DPP10: variants seen among roughly 807,000 people sequenced by gnomAD.
The protein encoded by DPP10 is inactive dipeptidyl peptidase 10.
In DPP10, 33 loss-of-function variants were observed where a neutral mutation model predicts 120.9. The ratio of observed to expected loss-of-function variants is 0.27; its 90% confidence interval spans 0.21 to 0.37. The LOEUF is 0.37. Among genes scored for constraint, DPP10 ranks in the 10% least tolerant of loss-of-function variants. The probability of loss-of-function intolerance (pLI) is 1.00; values close to 1 mark genes in which losing one functional copy is unlikely to be tolerated. For missense variants in DPP10, 816 were observed against 942.8 expected (o/e 0.87, Z 1.76); for synonymous variants, 337 against 326.1 (o/e 1.03, Z -0.36).
chr2:115,415,867 A>ATG (rs1259216861), intron 3 of DPP10, among the ~76,000 whole-genome samples: 4 of 137,634 alleles, frequency 2.9e-5, no homozygotes, highest in Non-Finnish European at 6.2e-5. Flanking sequence ...ATATATATAT[A>ATG]TATATATATG....
intron 1 of DPP10, among the ~76,000 whole-genome samples, chr2:115,044,993 C>T (rs1395349736): frequency 6.6e-6 from 1 of 152,114 alleles, no homozygotes; most frequent in Non-Finnish European, 1.5e-5. Context: ...GTGTACTGTA[C>T]CAGATTTTCT....
intron 1 of DPP10, chr2:115,144,194 G>C (rs2051086940): frequency 6.6e-6 from 1 of 152,088 alleles, no homozygotes; most frequent in African/African-American, 2.4e-5. Context: ...CTGAAACTTG[G>C]AACCGAAGCA....
intron 5 of DPP10, among the ~76,000 whole-genome samples, chr2:115,591,163 A>C (rs1488225510): frequency 6.6e-6 from 1 of 152,150 alleles, no homozygotes; most frequent in Non-Finnish European, 1.5e-5. Context: ...TAGTTTAATT[A>C]GATCCCATTT....
intron 3 of DPP10, among the ~76,000 whole-genome samples, chr2:115,386,614 A>G (rs1045184992): frequency 1.3e-5 from 2 of 152,192 alleles, no homozygotes; most frequent in African/African-American, 2.4e-5. Context: ...CTCTGCTGCT[A>G]TCTCAAGTTG....
chr2:115,696,682 G>A (rs556744746), intron 7 of DPP10, among the ~76,000 whole-genome samples: 1 of 152,194 alleles, frequency 6.6e-6, no homozygotes, highest in African/African-American at 2.4e-5. Flanking sequence ...AAAGATCCCG[G>A]TAAATGTAAA....
chr2:114,897,655 AAAAC>A lies in DPP10; in HGVS notation c.61-411577_61-411574del, dbSNP rs879833943. On this transcript the variant is annotated intron_variant, in intron 1 of 25. Transcript: ENST00000410059. The stretch of plus-strand genomic sequence containing the variant: ...TGAACTCAAACAAATTTACAAGAAA[AAAAC>A]AAACAACCCCATCAAAAAGTGGGCG... 3.9e-3 allele frequency among the ~76,000 whole-genome samples: 600 copies of A among 152,026 alleles called. 2 individuals carry two copies. Among genetic ancestry groups the A allele is most frequent in the Non-Finnish European group, 6.8e-3 (461 of 67,900 alleles).
intron 1 of DPP10, among the ~76,000 whole-genome samples, chr2:114,795,659 A>G (rs1468424538): frequency 2.0e-5 from 3 of 152,186 alleles, no homozygotes; most frequent in Non-Finnish European, 2.9e-5. Context: ...TTCAATAAAT[A>G]TATTTTTAAA....
chr2:115,673,571 G>A (rs2090064777), intron 5 of DPP10, among the ~76,000 whole-genome samples: 1 of 152,120 alleles, frequency 6.6e-6, no homozygotes, highest in Admixed American at 6.5e-5. Flanking sequence ...CTGTCCAGTC[G>A]TGTGTCAGCC....
rs1435287566 is a variant in DPP10, at chr2:115,338,202, A to G, written c.176-5615A>G. Among the ~76,000 whole-genome samples the G allele has an allele frequency of 7.2e-5, 11 of 152,146 alleles. No individual in the cohort carries two copies. The East Asian group carries it at 2.1e-3, about 29-fold the overall frequency. On this transcript the variant is annotated intron_variant, in intron 2 of 25. Transcript: ENST00000410059. Reference sequence around the variant, plus strand: ...TGTTAACCTAGATGTAAACATTTAAATAAAAGTTTAACATATTAATCTAAT... The same window carrying G: ...TGTTAACCTAGATGTAAACATTTAAGTAAAAGTTTAACATATTAATCTAAT...
At chr2:115,701,381 A>G (rs2091881859) in intron 7 of DPP10, among the ~76,000 whole-genome samples, 1 of 152,120 alleles carries the variant, frequency 6.6e-6, no homozygotes, top group Non-Finnish European at 1.5e-5. Context: ...AAAACTGGAT[A>G]TCCACATACA....
chr2:115,461,690 A>G (rs931393057), intron 3 of DPP10, among the ~76,000 whole-genome samples: 3 of 152,206 alleles, frequency 2.0e-5, no homozygotes, highest in South Asian at 4.1e-4. Context: ...GGATTAGAAA[A>G]TAAATAAAAA....
intron 4 of DPP10, among the ~76,000 whole-genome samples, chr2:115,520,636 T>G (rs542096841): frequency 7.2e-4 from 110 of 152,312 alleles, no homozygotes; most frequent in African/African-American, 2.5e-3. Context: ...TTCTCAATGT[T>G]AAGGCAACCA....
chr2:114,914,341 A>T (rs1340227802), intron 1 of DPP10, among the ~76,000 whole-genome samples: 1 of 152,236 alleles, frequency 6.6e-6, no homozygotes, highest in East Asian at 1.9e-4. Flanking sequence ...AGGGAACCCT[A>T]TCAAGCTAAC....
At chr2:115,529,492 T>A (rs1207882783) in intron 5 of DPP10, among the ~76,000 whole-genome samples, 1 of 151,894 alleles carries the variant, frequency 6.6e-6, no homozygotes, top group Non-Finnish European at 1.5e-5. Context: ...AGTTTCAATT[T>A]ATTTTATTAA....
intron 3 of DPP10, among the ~76,000 whole-genome samples, chr2:115,438,155 G>A (rs764962575): frequency 2.0e-5 from 3 of 151,946 alleles, no homozygotes; most frequent in African/African-American, 4.8e-5. Flanking sequence ...CTAACCATTA[G>A]GAAAATGCAA....
chr2:114,585,772 A>T (rs1021286625), intron 1 of DPP10, among the ~76,000 whole-genome samples: 4 of 152,172 alleles, frequency 2.6e-5, no homozygotes, highest in Admixed American at 2.6e-4. Flanking sequence ...TTTTCTCTCA[A>T]CTTGATGTCC....
At chr2:114,482,433 C>T (rs1558800050) in intron 1 of DPP10, among the ~76,000 whole-genome samples, 1 of 152,100 alleles carries the variant, frequency 6.6e-6, no homozygotes, top group South Asian at 2.1e-4. Context: ...GAGAATCAAA[C>T]GTATCAGTTA....
At chr2:114,538,368 T>C (rs1229557324) in intron 1 of DPP10, among the ~76,000 whole-genome samples, 1 of 152,158 alleles carries the variant, frequency 6.6e-6, no homozygotes, top group Non-Finnish European at 1.5e-5. Flanking sequence ...GCAAGGGTTT[T>C]GGAGATCTAG....
chr2:115,574,658 C>A (rs2081543445), intron 5 of DPP10, among the ~76,000 whole-genome samples: 2 of 152,202 alleles, frequency 1.3e-5, no homozygotes, highest in African/African-American at 4.8e-5. Context: ...ATTGGTCTTC[C>A]ACTAAGCTGT....
Sources: gnomAD v4.1 joint callset for allele counts (sites outside exome capture counted in the v4.1 genomes callset) on GRCh38, gnomAD v4.1.1 for gene constraint, MANE v1.5 for transcripts, NCBI Gene and HGNC (gene_info 2026-07-23, HGNC 2026-07-21) for gene names.